SPTLC1: variants seen among roughly 807,000 people sequenced by gnomAD.
The protein encoded by SPTLC1 is serine palmitoyltransferase 1.
A neutral mutation model predicts 68.9 loss-of-function variants in SPTLC1; 55 were observed. The ratio of observed to expected loss-of-function variants is 0.80; its 90% confidence interval spans 0.64 to 1.00. The LOEUF is 1.00. Ranked by LOEUF, SPTLC1 falls within the 50% of genes least tolerant of loss-of-function variation. The probability of loss-of-function intolerance (pLI) is 0.00; values close to 1 mark genes in which losing one functional copy is unlikely to be tolerated. For missense variants in SPTLC1, 449 were observed against 573.1 expected, an observed-to-expected ratio of 0.78 and a Z score of 2.21; for synonymous variants, 197 against 201.6, an observed-to-expected ratio of 0.98 and a Z score of 0.19.
chr9:92,103,364 G>A (rs1011186824), intron 3 of SPTLC1, among the ~76,000 whole-genome samples: 3 of 152,162 alleles, frequency 2.0e-5, no homozygotes, highest in African/African-American at 4.8e-5. Flanking sequence ...GACCTCCTTC[G>A]AGGTGTGCAC....
At chr9:92,093,923 A>G (rs1486970278) in intron 3 of SPTLC1, among the ~76,000 whole-genome samples, 1 of 152,250 alleles carries the variant, frequency 6.6e-6, no homozygotes, top group Non-Finnish European at 1.5e-5. Context: ...AACTGTGTAC[A>G]TACAAATACC....
chr9:92,085,448 T>C (rs1263281391), intron 3 of SPTLC1, among the ~76,000 whole-genome samples: 1 of 152,138 alleles, frequency 6.6e-6, no homozygotes, highest in Non-Finnish European at 1.5e-5. Context: ...AGTGTCTTTG[T>C]TCTCGTTGGT....
chr9:92,092,779 G>C (rs371767887), intron 3 of SPTLC1, among the ~76,000 whole-genome samples: 1 of 152,166 alleles, frequency 6.6e-6, no homozygotes, highest in African/African-American at 2.4e-5. Context: ...ATAGTACTTA[G>C]AAGGGAATTT....
chr9:92,058,374 G>A (rs1833966847), intron 7 of SPTLC1, among the ~76,000 whole-genome samples: 1 of 152,180 alleles, frequency 6.6e-6, no homozygotes, highest in Non-Finnish European at 1.5e-5. Flanking sequence ...ATTTATTCTA[G>A]TTATGACTGA....
chr9:92,105,233 G>A lies in SPTLC1; in HGVS notation c.260+3507C>T. On this transcript the variant is annotated intron_variant, in intron 3 of 14. Transcript: ENST00000262554. ...GACCCCTCCCCTGCAACTGAGGTGG[G>A]AGAGAGATGAGGGGCCCCCACCGGC... 11 of 1,534,306 alleles carry A rather than the reference G, an allele frequency of 7.2e-6. No individual in the cohort carries two copies. The South Asian group carries it at 1.3e-4, about 18-fold the overall frequency.
chr9:92,100,127 AAGGT>A (rs1413871739), intron 3 of SPTLC1, among the ~76,000 whole-genome samples: 2 of 152,042 alleles, frequency 1.3e-5, no homozygotes, highest in African/African-American at 2.4e-5. Flanking sequence ...AAAAAAAAAA[AAGGT>A]AGGTCAGGTA....
intron 3 of SPTLC1, among the ~76,000 whole-genome samples, chr9:92,097,112 C>T (rs1835553592): frequency 6.6e-6 from 1 of 152,162 alleles, no homozygotes; most frequent in Admixed American, 6.5e-5. Context: ...AAATTAAAAC[C>T]ATAAGATCCC....
intron 13 of SPTLC1, 128 bp from the exon 14 acceptor site, chr9:92,035,011 T>C: frequency 1.2e-6 from 1 of 819,692 alleles, no homozygotes; most frequent in Admixed American, 1.8e-5. Flanking sequence ...CTAGAAGATA[T>C]CACCAAAATA....
chr9:92,048,529 C>A (rs1390714023), intron 9 of SPTLC1, among the ~76,000 whole-genome samples: 1 of 152,118 alleles, frequency 6.6e-6, no homozygotes, highest in East Asian at 1.9e-4. Flanking sequence ...TAGAACAGAA[C>A]AAAGAATCCC....
chr9:92,089,833 A>G (rs1835290445), intron 3 of SPTLC1, among the ~76,000 whole-genome samples: 1 of 152,212 alleles, frequency 6.6e-6, no homozygotes, highest in South Asian at 2.1e-4. Flanking sequence ...TTAGAGAAAA[A>G]TAATTGTGAA....
At chr9:92,061,625 T>G (rs1834105612) in intron 6 of SPTLC1, among the ~76,000 whole-genome samples, 1 of 152,220 alleles carries the variant, frequency 6.6e-6, no homozygotes, top group Non-Finnish European at 1.5e-5. Context: ...TCTGGAGTCT[T>G]CTAAATTATT....
Position 92,078,959 on chromosome 9 carries a change from C to T in SPTLC1, c.427+1057G>A, listed in dbSNP as rs376738869. Reference sequence around the variant, plus strand: ...TTAAAGTAAAAAAACACAAAAAGATCCAGAAATGGAAACAAGGATGGAAGA... The same window carrying T: ...TTAAAGTAAAAAAACACAAAAAGATTCAGAAATGGAAACAAGGATGGAAGA... On this transcript the variant is annotated intron_variant, in intron 5 of 14. Transcript: ENST00000262554. 9 of 763,498 alleles carry T rather than the reference C, an allele frequency of 1.2e-5. No individual in the cohort carries two copies. The East Asian group carries it at 6.3e-4, about 54-fold the overall frequency. The allele number at this position is 763,498 out of a possible 1,614,324, so 47.3% of individuals were successfully genotyped here.
intron 3 of SPTLC1, among the ~76,000 whole-genome samples, chr9:92,082,024 C>G (rs541705365): frequency 6.6e-6 from 1 of 152,244 alleles, no homozygotes; most frequent in East Asian, 1.9e-4. Flanking sequence ...GTTATAGAGT[C>G]TGTCAGAGAG....
At chr9:92,068,377 G>GT (rs1834366611) in intron 5 of SPTLC1, among the ~76,000 whole-genome samples, 1 of 152,216 alleles carries the variant, frequency 6.6e-6, no homozygotes, top group Non-Finnish European at 1.5e-5. Context: ...TCACTCTACT[G>GT]TAAGACTTCA....
rs547801823 is a variant in SPTLC1, at chr9:92,049,922, T to C, written c.888+38A>G. ...TAGCAGAATGGAACTACATGTCTCC[T>C]ATAAGAGGGGAAACGTTCTTAAAAA... On this transcript the variant is annotated intron_variant, in intron 9 of 14. Transcript: ENST00000262554. 10 of 1,290,166 alleles carry C rather than the reference T, an allele frequency of 7.8e-6. No individual in the cohort carries two copies. The East Asian group carries it at 2.3e-4, about 30-fold the overall frequency. 79.9% of individuals were successfully genotyped at this position (1,290,166 alleles called of 1,614,324 possible).
intron 5 of SPTLC1, chr9:92,070,001 T>C (rs1008031804): frequency 6.6e-6 from 1 of 152,118 alleles, no homozygotes; most frequent in African/African-American, 2.4e-5. Flanking sequence ...TTAGAGTGAG[T>C]TACCCAGTTG....
At chr9:92,074,309 CA>C (rs1834600321) in intron 5 of SPTLC1, among the ~76,000 whole-genome samples, 1 of 152,066 alleles carries the variant, frequency 6.6e-6, no homozygotes, top group Non-Finnish European at 1.5e-5. Context: ...ACTCTGGTAC[CA>C]AATCAGGCAA....
At chr9:92,065,384 T>C (rs990041928) in intron 6 of SPTLC1, among the ~76,000 whole-genome samples, 3 of 152,220 alleles carry the variant, frequency 2.0e-5, no homozygotes, top group African/African-American at 7.2e-5. Flanking sequence ...CTAGCACTCC[T>C]ACATTCAAAC....
chr9:92,088,814 A>C (rs891695829), intron 3 of SPTLC1, among the ~76,000 whole-genome samples: 2 of 152,240 alleles, frequency 1.3e-5, no homozygotes, highest in Non-Finnish European at 2.9e-5. Context: ...CCTGTGCCCC[A>C]TGCAGGCTAG....
Sources: gnomAD v4.1 joint callset for allele counts (sites outside exome capture counted in the v4.1 genomes callset) on GRCh38, gnomAD v4.1.1 for gene constraint, MANE v1.5 for transcripts, NCBI Gene and HGNC (gene_info 2026-07-23, HGNC 2026-07-21) for gene names.